ABCA12: variants seen among roughly 807,000 people sequenced by gnomAD.
ABCA12 encodes ATP binding cassette subfamily A member 12.
ABCA12 carries 156 observed loss-of-function variants against 293.5 expected under a neutral mutation model. The ratio of observed to expected loss-of-function variants is 0.53; its 90% confidence interval spans 0.47 to 0.61. The LOEUF (loss-of-function observed/expected upper bound fraction) is 0.61. Ranked by LOEUF, ABCA12 falls within the 20% of genes least tolerant of loss-of-function variation. ABCA12 has a pLI of 0.00. For missense variants in ABCA12, 2,797 were observed against 3,090.2 expected (o/e 0.91, Z 2.25); for synonymous variants, 1,063 against 1,108.0 (o/e 0.96, Z 0.81).
intron 34 of ABCA12, among the ~76,000 whole-genome samples, 154 bp downstream of exon 34, chr2:214,975,631 T>C (rs1481648267): frequency 6.6e-6 from 1 of 152,200 alleles, no homozygotes; most frequent in Non-Finnish European, 1.5e-5. Context: ...AAGTAACATA[T>C]TGCAATCAAT....
At chr2:215,025,837 A>C (rs984094513) in intron 10 of ABCA12, 58 bp from the exon 11 acceptor site, 11 of 1,214,568 alleles carry the variant, frequency 9.1e-6, no homozygotes, top group Non-Finnish European at 1.3e-5. Flanking sequence ...TTAGGAAACC[A>C]GTTTGAAAGA....
At chr2:215,030,865 T>G (rs1423392432) in intron 9 of ABCA12, among the ~76,000 whole-genome samples, 7 of 152,230 alleles carry the variant, frequency 4.6e-5, no homozygotes. Context: ...AAAAATTGGT[T>G]AAACCTAAGT....
chr2:215,052,400 A>G, intron 5 of ABCA12, 87 bp downstream of exon 5: 1 of 1,146,602 alleles, frequency 8.7e-7, no homozygotes, highest in East Asian at 2.5e-5. Context: ...AGGTGCTCCA[A>G]ACATCTTGCT....
chr2:215,065,755 C>A (rs1701629219), intron 2 of ABCA12, among the ~76,000 whole-genome samples: 1 of 152,048 alleles, frequency 6.6e-6, no homozygotes, highest in Non-Finnish European at 1.5e-5. Context: ...AAATTCTGGG[C>A]TTCTGACCTC....
At chr2:214,985,195 T>C (rs564962713) in intron 28 of ABCA12, among the ~76,000 whole-genome samples, 1 of 152,352 alleles carries the variant, frequency 6.6e-6, no homozygotes, top group East Asian at 1.9e-4. Flanking sequence ...GCTAAAATTA[T>C]AGCCTCTTCA....
rs377625165 is a variant in ABCA12, at chr2:215,094,101, CAGA to C, written c.163+17493_163+17495del. Among the ~76,000 whole-genome samples the C allele has an allele frequency of 4.5e-3, 686 of 152,338 alleles. 7 individuals carry two copies. Among genetic ancestry groups the C allele is most frequent in the African/African-American group, 0.016 (659 of 41,574 alleles). On this transcript the variant is annotated intron_variant, in intron 2 of 52. Coordinates refer to ENST00000272895, the MANE Select transcript of ABCA12 (RefSeq NM_173076.3). ...GTGTTAACTCAGGCCCTCACTCTTTCAGAAGGACTGCGTGTCAATATTTATACT... is the reference window on the plus strand; with the variant it reads ...GTGTTAACTCAGGCCCTCACTCTTTCAGGACTGCGTGTCAATATTTATACT...
chr2:215,090,251 C>G (rs1263789574), intron 2 of ABCA12, among the ~76,000 whole-genome samples: 1 of 152,152 alleles, frequency 6.6e-6, no homozygotes, highest in Non-Finnish European at 1.5e-5. Context: ...AATTAAAAAG[C>G]TTTATTGCTC....
intron 1 of ABCA12, among the ~76,000 whole-genome samples, chr2:215,123,312 T>C (rs897195732): frequency 4.0e-5 from 6 of 151,872 alleles, no homozygotes; most frequent in Non-Finnish European, 8.8e-5. Context: ...GCTGGGATTA[T>C]AGGTGTCCGC....
At chr2:214,940,482 A>C (rs1698361773) in intron 50 of ABCA12, among the ~76,000 whole-genome samples, 1 of 152,140 alleles carries the variant, frequency 6.6e-6, no homozygotes, top group Admixed American at 6.6e-5. Flanking sequence ...GACTTGTAAA[A>C]TGATTTAGGG....
intron 28 of ABCA12, among the ~76,000 whole-genome samples, chr2:214,985,746 C>T (rs990762004): frequency 9.2e-5 from 14 of 152,130 alleles, no homozygotes; most frequent in African/African-American, 3.4e-4. Context: ...CGTGATGATA[C>T]TAAGTAAGAT....
intron 18 of ABCA12, among the ~76,000 whole-genome samples, chr2:215,009,718 CAG>C (rs758616134): frequency 6.6e-6 from 1 of 152,018 alleles, no homozygotes; most frequent in Non-Finnish European, 1.5e-5. Flanking sequence ...AATGGTAAAA[CAG>C]AGATTTTTCT....
chr2:215,089,522 G>A (rs1379013716), intron 2 of ABCA12, among the ~76,000 whole-genome samples: 1 of 152,172 alleles, frequency 6.6e-6, no homozygotes. Context: ...GGTTACTACT[G>A]CAGGGAGCAG....
chr2:215,109,180 T>C (rs1175650781), intron 2 of ABCA12, among the ~76,000 whole-genome samples: 1 of 152,206 alleles, frequency 6.6e-6, no homozygotes, highest in Non-Finnish European at 1.5e-5. Context: ...CTATTGATTA[T>C]AGAATGTATT....
intron 20 of ABCA12, 81 bp from the exon 21 acceptor site, chr2:215,001,818 TA>T (rs1700153065): frequency 8.3e-7 from 1 of 1,210,212 alleles, no homozygotes; most frequent in African/African-American, 1.5e-5. Flanking sequence ...TGATTTTTTG[TA>T]AATACTAAAC....
At chr2:214,993,282 G>A (rs1383851291) in intron 23 of ABCA12, among the ~76,000 whole-genome samples, 3 of 152,150 alleles carry the variant, frequency 2.0e-5, no homozygotes, top group East Asian at 3.8e-4. Context: ...CTATGCTTCC[G>A]TGGGAATGGA....
At chr2:215,020,305 C>CACACACAA (rs1382581476) in intron 11 of ABCA12, among the ~76,000 whole-genome samples, 1 of 151,516 alleles carries the variant, frequency 6.6e-6, no homozygotes, top group Non-Finnish European at 1.5e-5. Flanking sequence ...CACACACACA[C>CACACACAA]ACACACACAG....
chr2:214,999,961 A>G (rs1700106882), intron 22 of ABCA12: 1 of 267,188 alleles, frequency 3.7e-6, no homozygotes, highest in South Asian at 1.4e-4. Context: ...TAGCATGTTC[A>G]ATTCCTTTAA....
chr2:214,958,284 T>C lies in ABCA12; in HGVS notation c.6110A>G (p.Tyr2037Cys). 1 of 1,613,976 alleles carries C rather than the reference T, an allele frequency of 6.2e-7. No individual in the cohort carries two copies. Among genetic ancestry groups the C allele is most frequent in the Non-Finnish European group, 8.5e-7 (1 of 1,179,822 alleles). Residue 2037 changes from tyrosine to cysteine, a missense_variant, in exon 41 of 53, where the codon TAT becomes TGT. This residue lies in a region of ABCA12 where 2,130 missense variants were observed against 2,427.0 expected (regional missense o/e 0.88). Coordinates refer to ENST00000272895, the MANE Select transcript of ABCA12 (RefSeq NM_173076.3). Reference protein sequence around the residue: ...VTCYWVTNFIYDMVFYLVPVA... With the variant: ...VTCYWVTNFICDMVFYLVPVA... ...AGGACATAAGTTACTCACCATGTCA[T>C]AAATGAAGTTTGTTACCCAGTAGCA...
rs1247018975 is a variant in ABCA12 at position 214,932,233 on chromosome 2, T to C, written c.*401A>G. On this transcript the variant is annotated 3_prime_UTR_variant, in exon 53 of 53. Transcript: ENST00000272895. ...CTGGAAATAAATTATGTTGTCTGCTTGCCCGGTGGCACCTGCCACAAACCA... is the reference window on the plus strand; with the variant it reads ...CTGGAAATAAATTATGTTGTCTGCTCGCCCGGTGGCACCTGCCACAAACCA... 6 of 246,350 alleles carry C rather than the reference T, an allele frequency of 2.4e-5. No individual in the cohort carries two copies. Among genetic ancestry groups the C allele is most frequent in the Non-Finnish European group, 4.8e-5 (6 of 125,452 alleles). 15.3% of individuals were successfully genotyped at this position (246,350 alleles called of 1,614,324 possible).
Sources: gnomAD v4.1 joint callset for allele counts (sites outside exome capture counted in the v4.1 genomes callset) on GRCh38, gnomAD v4.1.1 for gene constraint, gnomAD v4.1.1 regional missense constraint, MANE v1.5 for transcripts, NCBI Gene and HGNC (gene_info 2026-07-23, HGNC 2026-07-21) for gene names.